Variants in LHFPL3 observed in about 807,000 individuals in gnomAD.
LHFPL3 encodes LHFPL tetraspan subfamily member 3 protein.
In LHFPL3, 5 loss-of-function variants were observed where a neutral mutation model predicts 19.3. The ratio of observed to expected loss-of-function variants is 0.26; its 90% CI spans 0.14 to 0.54. The LOEUF (loss-of-function observed/expected upper bound fraction) is 0.54. Ranked by LOEUF, LHFPL3 falls within the 20% of genes least tolerant of loss-of-function variation. The probability of loss-of-function intolerance (pLI) is 0.94; values close to 1 mark genes in which losing one functional copy is unlikely to be tolerated. For missense variants in LHFPL3, 249 were observed against 307.4 expected, an observed-to-expected ratio of 0.81 and a Z score of 1.42; for synonymous variants, 133 against 126.2, an observed-to-expected ratio of 1.05 and a Z score of -0.36.
intron 1 of LHFPL3, among the ~76,000 whole-genome samples, chr7:104,656,742 A>G (rs1792129371): frequency 6.6e-6 from 1 of 152,246 alleles, no homozygotes; most frequent in Admixed American, 6.5e-5. Context: ...CTGAGGAGTC[A>G]TGGACCTGTC....
chr7:104,669,533 T>C lies in LHFPL3; in HGVS notation c.446-67142T>C. 3 of 1,611,786 alleles carry C rather than the reference T, an allele frequency of 1.9e-6. No individual in the cohort carries two copies. The Admixed American group carries it at 5.0e-5, about 27-fold the overall frequency. ...GCAAGCAAGTATGCTGCTCTCTCTGTTGATGGTGAAGATGAAAATGAGGGA... is the reference window on the plus strand; with the variant it reads ...GCAAGCAAGTATGCTGCTCTCTCTGCTGATGGTGAAGATGAAAATGAGGGA... On this transcript the variant is annotated intron_variant, in intron 1 of 2. Coordinates refer to ENST00000424859, the MANE Select transcript of LHFPL3 (RefSeq NM_199000.3).
chr7:104,545,621 T>C (rs1794564559), intron 1 of LHFPL3, among the ~76,000 whole-genome samples: 1 of 152,214 alleles, frequency 6.6e-6, no homozygotes, highest in East Asian at 1.9e-4. Flanking sequence ...TAGAGCACTG[T>C]GCGATCTATC....
intron 1 of LHFPL3, among the ~76,000 whole-genome samples, chr7:104,724,591 C>T (rs1793556760): frequency 6.6e-6 from 1 of 152,064 alleles, no homozygotes; most frequent in Non-Finnish European, 1.5e-5. Context: ...GAACGACACA[C>T]ACTGGGACCT....
intron 1 of LHFPL3, among the ~76,000 whole-genome samples, chr7:104,660,716 A>G (rs1792210517): frequency 6.6e-6 from 1 of 152,206 alleles, no homozygotes; most frequent in African/African-American, 2.4e-5. Context: ...GGTTATATTA[A>G]TAGCCACATC....
At chr7:104,649,918 T>C (rs1251272402) in intron 1 of LHFPL3, among the ~76,000 whole-genome samples, 1 of 152,210 alleles carries the variant, frequency 6.6e-6, no homozygotes, top group Non-Finnish European at 1.5e-5. Context: ...AAATGCAGAA[T>C]CTCATCTCAT....
intron 1 of LHFPL3, among the ~76,000 whole-genome samples, chr7:104,567,091 T>C (rs1790138176): frequency 6.6e-6 from 1 of 152,104 alleles, no homozygotes; most frequent in Non-Finnish European, 1.5e-5. Flanking sequence ...CAAAATAGAG[T>C]CAGCTTTATA....
At chr7:104,736,343 C>A (rs570137406) in intron 1 of LHFPL3, among the ~76,000 whole-genome samples, 3 of 152,056 alleles carry the variant, frequency 2.0e-5, no homozygotes, top group Non-Finnish European at 2.9e-5. Flanking sequence ...GTAATGGAAC[C>A]CTTCCCACAA....
At chr7:104,748,883 C>T (rs1339141838) in intron 2 of LHFPL3, among the ~76,000 whole-genome samples, 3 of 152,206 alleles carry the variant, frequency 2.0e-5, no homozygotes, top group Admixed American at 6.5e-5. Flanking sequence ...GCAACCCACC[C>T]CTACATCTGG....
At chr7:104,824,789 C>G (rs1351597180) in intron 2 of LHFPL3, among the ~76,000 whole-genome samples, 1 of 113,376 alleles carries the variant, frequency 8.8e-6, no homozygotes, top group Non-Finnish European at 1.7e-5. Context: ...ATATTTCAAA[C>G]TTCTCTGTTT....
At chr7:104,340,356 G>A (rs1351397475) in intron 1 of LHFPL3, among the ~76,000 whole-genome samples, 1 of 152,030 alleles carries the variant, frequency 6.6e-6, no homozygotes, top group African/African-American at 2.4e-5. Context: ...AAGACGAGTA[G>A]GCATCTAAAG....
At chr7:104,683,025 T>C (rs1380915660) in intron 1 of LHFPL3, among the ~76,000 whole-genome samples, 1 of 152,254 alleles carries the variant, frequency 6.6e-6, no homozygotes, top group Non-Finnish European at 1.5e-5. Flanking sequence ...AGTCTTGTTC[T>C]GTTGCCCAGG....
chr7:104,496,396 T>C (rs1793482805), intron 1 of LHFPL3, among the ~76,000 whole-genome samples: 1 of 152,212 alleles, frequency 6.6e-6, no homozygotes, highest in African/African-American at 2.4e-5. Flanking sequence ...TGGTTCCAAG[T>C]CTTTGCTATT....
intron 1 of LHFPL3, among the ~76,000 whole-genome samples, chr7:104,578,712 C>T (rs577289481): frequency 1.3e-5 from 2 of 152,080 alleles, no homozygotes; most frequent in Admixed American, 1.3e-4. Flanking sequence ...CCCCCTACCC[C>T]CAACCAGTAA....
intron 1 of LHFPL3, among the ~76,000 whole-genome samples, chr7:104,605,607 C>G (rs1007211458): frequency 8.5e-5 from 13 of 152,192 alleles, no homozygotes; most frequent in Non-Finnish European, 1.3e-4. Context: ...AACGGGTACT[C>G]TGACTTGATA....
intron 1 of LHFPL3, among the ~76,000 whole-genome samples, chr7:104,507,770 C>G (rs1283746342): frequency 7.5e-6 from 1 of 133,314 alleles, no homozygotes; most frequent in South Asian, 2.5e-4. Flanking sequence ...AAGAAAAAAA[C>G]AAACAACCCC....
At chr7:104,652,127 G>A (rs1346144374) in intron 1 of LHFPL3, among the ~76,000 whole-genome samples, 1 of 152,190 alleles carries the variant, frequency 6.6e-6, no homozygotes, top group Non-Finnish European at 1.5e-5. Flanking sequence ...GAGGCTTGGG[G>A]ACAAGATGGT....
intron 1 of LHFPL3, among the ~76,000 whole-genome samples, chr7:104,629,131 C>T (rs745659278): frequency 1.3e-5 from 2 of 152,124 alleles, no homozygotes; most frequent in African/African-American, 2.4e-5. Flanking sequence ...GTGTTACCAG[C>T]TGATGATTAA....
chr7:104,391,468 T>C (rs1208737973), intron 1 of LHFPL3, among the ~76,000 whole-genome samples: 3 of 152,226 alleles, frequency 2.0e-5, no homozygotes, highest in South Asian at 2.1e-4. Context: ...TTGTTTTTGT[T>C]AGGTTTGTCA....
intron 1 of LHFPL3, among the ~76,000 whole-genome samples, chr7:104,561,895 C>G (rs1453137884): frequency 6.6e-6 from 1 of 152,108 alleles, no homozygotes; most frequent in African/African-American, 2.4e-5. Flanking sequence ...CAAAATCTCT[C>G]AGCATTTGCT....
Sources: gnomAD v4.1 joint callset for allele counts (sites outside exome capture counted in the v4.1 genomes callset) on GRCh38, gnomAD v4.1.1 for gene constraint, MANE v1.5 for transcripts, NCBI Gene and HGNC (gene_info 2026-07-23, HGNC 2026-07-21) for gene names.